Variants in AGO3 observed in about 807,000 individuals in gnomAD.
AGO3 encodes protein argonaute-3.
AGO3 carries 16 observed loss-of-function variants against 105.5 expected under a neutral mutation model. That is an observed-to-expected ratio of 0.15 (90% CI 0.10 to 0.23). The LOEUF is 0.23. AGO3 is among the 10% of genes least tolerant of loss of function. The probability of loss-of-function intolerance (pLI) is 1.00; values close to 1 mark genes in which losing one functional copy is unlikely to be tolerated. For synonymous variants in AGO3, 340 were observed against 367.3 expected (o/e 0.93, Z 0.85); for missense variants, 534 against 1,088.0 (o/e 0.49, Z 7.16).
intron 1 of AGO3, among the ~76,000 whole-genome samples, chr1:35,939,493 C>T (rs1571406330): frequency 6.6e-6 from 1 of 152,070 alleles, no homozygotes; most frequent in African/African-American, 2.4e-5. Flanking sequence ...AAATGTTCTC[C>T]TCTTGTAGAG....
chr1:36,026,260 C>T (rs762138762), intron 11 of AGO3, among the ~76,000 whole-genome samples: 4 of 151,908 alleles, frequency 2.6e-5, no homozygotes, highest in Non-Finnish European at 4.4e-5. Context: ...AGGTGCCTGC[C>T]ACCACACCAG....
chr1:36,055,854 C>A lies in AGO3; in HGVS notation c.*109C>A. 5 of 1,034,332 alleles carry A rather than the reference C, an allele frequency of 4.8e-6. No homozygotes were observed. Among genetic ancestry groups the A allele is most frequent in the Non-Finnish European group, 7.2e-6 (5 of 696,028 alleles). The allele number at this position is 1,034,332 out of a possible 1,614,324, so 64.1% of individuals were successfully genotyped here. ...AGGACACCTCCAGCCATACAGAAACCAACACTGTGTGGGGGCCAAGGTCTG... is the reference window on the plus strand; with the variant it reads ...AGGACACCTCCAGCCATACAGAAACAAACACTGTGTGGGGGCCAAGGTCTG... On this transcript the variant is annotated 3_prime_UTR_variant, in exon 19 of 19. Transcript: ENST00000373191. The surrounding 1 kb of genome is among the most constrained non-coding windows in gnomAD (Gnocchi z 4.4).
chr1:36,036,291 T>C, intron 14 of AGO3, 24 bp downstream of exon 14: 4 of 1,605,838 alleles, frequency 2.5e-6, no homozygotes, highest in Non-Finnish European at 3.4e-6. Context: ...AGGTTTATCT[T>C]ACCTAAGGTT....
intron 6 of AGO3, among the ~76,000 whole-genome samples, chr1:36,006,950 T>C (rs1640362958): frequency 6.6e-6 from 1 of 152,230 alleles, no homozygotes; most frequent in African/African-American, 2.4e-5. Flanking sequence ...AAATAAATTT[T>C]ACCATAGCAG....
chr1:35,990,916 T>G (rs985566390), intron 5 of AGO3, among the ~76,000 whole-genome samples: 8 of 152,308 alleles, frequency 5.3e-5, no homozygotes, highest in African/African-American at 1.9e-4. Flanking sequence ...GATTCAGGCA[T>G]CTGGGCAAGA....
intron 2 of AGO3, among the ~76,000 whole-genome samples, chr1:35,951,732 C>A (rs1646473222): frequency 6.6e-6 from 1 of 152,016 alleles, no homozygotes; most frequent in Admixed American, 6.6e-5. Context: ...CTATATTGAT[C>A]CAATTTTGGC....
intron 14 of AGO3, among the ~76,000 whole-genome samples, chr1:36,036,763 C>T (rs906421624): frequency 2.6e-5 from 4 of 152,144 alleles, no homozygotes; most frequent in East Asian, 1.9e-4. Flanking sequence ...GACACAATCT[C>T]GGCTCACTGC....
chr1:36,053,513 G>A (rs1235552323), intron 17 of AGO3, among the ~76,000 whole-genome samples: 1 of 151,924 alleles, frequency 6.6e-6, no homozygotes, highest in African/African-American at 2.4e-5. Context: ...ACTCTTGTTC[G>A]ATCCACCTAC....
intron 5 of AGO3, among the ~76,000 whole-genome samples, chr1:35,997,880 A>G (rs770006430): frequency 3.9e-4 from 59 of 152,120 alleles, no homozygotes; most frequent in Admixed American, 7.2e-4. Context: ...TGTTTTTAGT[A>G]GAGACAGGGT....
chr1:35,973,667 T>C (rs570285298), intron 5 of AGO3, 156 bp downstream of exon 5: 2 of 873,772 alleles, frequency 2.3e-6, no homozygotes, highest in South Asian at 9.5e-5. Flanking sequence ...TTTATTACAT[T>C]TCATTTAGAA....
At chr1:35,992,335 T>C (rs1205422032) in intron 5 of AGO3, 1 of 152,208 alleles carries the variant, frequency 6.6e-6, no homozygotes, top group East Asian at 1.9e-4. Flanking sequence ...AAGAGGCAGC[T>C]GTTCATCAAT....
chr1:36,036,289 C>T (rs274736), intron 14 of AGO3, 22 bp downstream of exon 14: 1 of 1,607,934 alleles, frequency 6.2e-7, no homozygotes, highest in South Asian at 1.1e-5. Flanking sequence ...CCAGGTTTAT[C>T]TTACCTAAGG....
At chr1:35,985,158 C>T (rs1371274303) in intron 5 of AGO3, among the ~76,000 whole-genome samples, 2 of 152,074 alleles carry the variant, frequency 1.3e-5, no homozygotes, top group Admixed American at 1.3e-4. Context: ...AGGTGTGTGA[C>T]TGTAGTCCCA....
At chr1:36,004,268 C>T in intron 5 of AGO3, 73 bp from the exon 6 acceptor site, 1 of 1,460,144 alleles carries the variant, frequency 6.8e-7, no homozygotes. Flanking sequence ...GATAGTTATC[C>T]TGGAGCCTAA....
At chr1:35,990,780 G>T (rs1337435852) in intron 5 of AGO3, among the ~76,000 whole-genome samples, 1 of 152,076 alleles carries the variant, frequency 6.6e-6, no homozygotes. Context: ...TCATGTATTT[G>T]TCTTGAGTTC....
intron 11 of AGO3, among the ~76,000 whole-genome samples, chr1:36,018,107 A>G (rs991045285): frequency 6.6e-6 from 1 of 151,316 alleles, no homozygotes; most frequent in Non-Finnish European, 1.5e-5. Context: ...CAGCCTCCCA[A>G]GTAGAACAGG....
chr1:35,945,360 C>T (rs539661285), intron 1 of AGO3, among the ~76,000 whole-genome samples: 2 of 152,164 alleles, frequency 1.3e-5, no homozygotes, highest in East Asian at 3.9e-4. Flanking sequence ...GCCCTTTCTT[C>T]TACTTTCTTT....
rs982343406 is a variant in AGO3 at position 36,060,445 on chromosome 1, C to T, written c.*4700C>T. ...GGATTGCAGACCAGGAATTAGAGAC[C>T]GTTTGTGACTCAAGGAACTTGATGG... On this transcript the variant is annotated 3_prime_UTR_variant, in exon 19 of 19. Coordinates refer to ENST00000373191, the MANE Select transcript of AGO3 (RefSeq NM_024852.4). 5 of 152,246 alleles carry T rather than the reference C, an allele frequency of 3.3e-5. No individual in the cohort carries two copies. The highest frequency in any genetic ancestry group is 2.1e-4 in the South Asian group (1 of 4,828). The allele number at this position is 152,246 out of a possible 1,614,324, so 9.4% of individuals were successfully genotyped here.
chr1:35,930,887 G>A (rs1020880063), upstream of AGO3: 11 of 242,438 alleles, frequency 4.5e-5, no homozygotes, highest in Admixed American at 1.7e-4. Flanking sequence ...GAGTAGTCCT[G>A]CCCCTCCGCG....
Sources: allele counts gnomAD v4.1 joint callset (sites outside exome capture counted in the v4.1 genomes callset), GRCh38; gene constraint gnomAD v4.1.1; non-coding constraint Gnocchi (gnomAD v3.1); transcripts MANE v1.5; gene names NCBI Gene and HGNC (gene_info 2026-07-23, HGNC 2026-07-21).